Variants in DUSP16 observed in about 807,000 individuals in gnomAD.
The protein encoded by DUSP16 is dual specificity phosphatase 16, also known as dual specificity protein phosphatase 16.
Under a neutral mutation model 58.3 loss-of-function variants are expected in DUSP16, and 21 were observed. The observed-to-expected ratio is 0.36, with a 90% CI of 0.26 to 0.52. The LOEUF (loss-of-function observed/expected upper bound fraction) is 0.52, where lower values mean the gene tolerates loss of function less well. DUSP16 is among the 20% of genes least tolerant of loss of function. The pLI is 0.94. For synonymous variants in DUSP16, 320 were observed against 323.8 expected (o/e 0.99, Z 0.12); for missense variants, 726 against 819.0 (o/e 0.89, Z 1.39).
chr12:12,478,035 C>T lies in DUSP16; in HGVS notation c.816-20G>A, dbSNP rs1425663392. 7 of 1,528,740 alleles carry T rather than the reference C, an allele frequency of 4.6e-6. No individual in the cohort carries two copies. The East Asian group carries it at 1.6e-4, about 35-fold the overall frequency. The allele number at this position is 1,528,740 out of a possible 1,614,324, so 94.7% of individuals were successfully genotyped here. A position where few individuals can be genotyped will look rare whatever the true frequency, so the allele number is the denominator to read the frequency against. ...ACAAATCTGCAGAGAGAGGAAAAAA[C>T]AAAAACCCGAATTTTACAACTACAC... is the stretch of plus-strand genomic sequence containing the variant. On this transcript the variant is annotated intron_variant, in intron 6 of 6. Coordinates refer to ENST00000298573, the MANE Select transcript of DUSP16 (RefSeq NM_030640.3).
At chr12:12,558,529 G>A (rs1015938902) in intron 1 of DUSP16, among the ~76,000 whole-genome samples, 2 of 151,962 alleles carry the variant, frequency 1.3e-5, no homozygotes, top group Non-Finnish European at 2.9e-5. Context: ...CCACAGCTGC[G>A]TACTACTACC....
intron 4 of DUSP16, among the ~76,000 whole-genome samples, chr12:12,494,108 T>C (rs549652147): frequency 6.6e-6 from 1 of 152,348 alleles, no homozygotes; most frequent in East Asian, 1.9e-4. Context: ...CATCTTCTAA[T>C]GAGAAACCTT....
chr12:12,556,364 C>A (rs1944805890), intron 1 of DUSP16, among the ~76,000 whole-genome samples: 2 of 151,830 alleles, frequency 1.3e-5, no homozygotes, highest in African/African-American at 2.4e-5. Context: ...TTAAGACCAG[C>A]CTGGGCAACA....
chr12:12,480,118 C>T, intron 6 of DUSP16, 105 bp downstream of exon 6: 2 of 1,440,776 alleles, frequency 1.4e-6, no homozygotes, highest in Admixed American at 2.2e-5. Flanking sequence ...AAAAATGTGA[C>T]TAAAATAATC....
intron 1 of DUSP16, among the ~76,000 whole-genome samples, chr12:12,552,490 T>G (rs1286114182): frequency 1.3e-5 from 2 of 152,168 alleles, no homozygotes; most frequent in South Asian, 2.1e-4. Flanking sequence ...TTGTTGAATT[T>G]TGGTGTAACA....
chr12:12,523,830 C>T (rs1406707731), intron 1 of DUSP16, among the ~76,000 whole-genome samples: 1 of 152,162 alleles, frequency 6.6e-6, no homozygotes, highest in African/African-American at 2.4e-5. Context: ...CCCTGTTTTC[C>T]CTAAGTACTT....
rs36049447 is a variant in DUSP16, at chr12:12,521,031, G to A, written c.68C>T (p.Thr23Met). 1,994 of 1,614,074 alleles carry A rather than the reference G, an allele frequency of 1.2e-3. 20 individuals carry two copies. In the African/African-American group the frequency reaches 0.022, roughly 18 times the overall value. The stretch of plus-strand genomic sequence containing the variant: ...GCTATCAATTAGCAGCACTTTTTCC[G>A]TTCCACTTTCCAGCAGAGCCACCAA... The part of the protein sequence containing the change: ...ERLVALLESG[T>M]EKVLLIDSRP... The change falls in exon 2 of 7, where the codon ACG (threonine) becomes ATG (methionine). Residue 23 changes from threonine to methionine, a missense_variant. By Grantham distance (81) the Thr-to-Met change is moderately conservative. Coordinates refer to ENST00000298573, the MANE Select transcript of DUSP16 (RefSeq NM_030640.3).
At chr12:12,486,481 A>AGAGTGT (rs1402961298) in intron 5 of DUSP16, among the ~76,000 whole-genome samples, 1 of 147,262 alleles carries the variant, frequency 6.8e-6, no homozygotes, top group Non-Finnish European at 1.5e-5. Flanking sequence ...ACCAAATGAG[A>AGAGTGT]GTGTGTGTGT....
At chr12:12,480,378 C>A (rs1251901088) in intron 5 of DUSP16, 32 bp from the exon 6 acceptor site, 2 of 1,602,100 alleles carry the variant, frequency 1.2e-6, no homozygotes, top group African/African-American at 2.7e-5. Flanking sequence ...AAGGTCACTA[C>A]TAACTATTTT....
chr12:12,554,070 G>A (rs1429594934), intron 1 of DUSP16, among the ~76,000 whole-genome samples: 1 of 151,634 alleles, frequency 6.6e-6, no homozygotes, highest in Non-Finnish European at 1.5e-5. Flanking sequence ...GGTGGTGCAC[G>A]CCTGTAATCC....
At position 12,519,216 on chromosome 12, in the gene DUSP16, T is replaced by C. The variant is rs115473502; in HGVS notation, c.367+646A>G. Among the ~76,000 whole-genome samples, 1,197 of 152,318 alleles carry C rather than the reference T, an allele frequency of 7.9e-3. 14 individuals carry two copies. Among genetic ancestry groups the C allele is most frequent in the African/African-American group, 0.028 (1,159 of 41,558 alleles). On this transcript the variant is annotated intron_variant, in intron 3 of 6. Coordinates refer to ENST00000298573, the MANE Select transcript of DUSP16 (RefSeq NM_030640.3). ...ACAATGCCGTCCTCCAGGAGAGATATAGAATATTTGGTCCTTCCCACACAC... is the reference window on the plus strand; with the variant it reads ...ACAATGCCGTCCTCCAGGAGAGATACAGAATATTTGGTCCTTCCCACACAC...
In DUSP16 at chr12:12,477,411, C is replaced by G; in HGVS notation, c.1420G>C (p.Ala474Pro). ...EASIPKKLQTARPSDSQSKRL... is the reference protein window; with the variant it reads ...EASIPKKLQTPRPSDSQSKRL... ...TTGCTCTGGCTGTCTGAAGGCCTGG[C>G]GGTCTGCAGCTTCTTGGGGATGCTG... The change falls in exon 7 of 7, where the codon GCC (alanine) becomes CCC (proline). Residue 474 changes from alanine to proline, a missense_variant. Ala to Pro is a conservative substitution (Grantham distance 27). Transcript: ENST00000298573. This position sits in a 1 kb window ranked among gnomAD's most constrained non-coding sequence, Gnocchi z 4.1. The G allele has an allele frequency of 6.2e-7, 1 of 1,609,854 alleles. No homozygotes were observed. The highest frequency in any genetic ancestry group is 8.5e-7 in the Non-Finnish European group (1 of 1,177,672).
chr12:12,530,833 T>TA (rs1323131888), intron 1 of DUSP16, among the ~76,000 whole-genome samples: 1 of 152,098 alleles, frequency 6.6e-6, no homozygotes, highest in Non-Finnish European at 1.5e-5. Context: ...TTAAGCAAGA[T>TA]ATATGTGTGA....
chr12:12,551,366 C>T (rs773992525), intron 1 of DUSP16, among the ~76,000 whole-genome samples: 4 of 149,360 alleles, frequency 2.7e-5, no homozygotes, highest in East Asian at 2.0e-4. Flanking sequence ...ATCAGCCAGG[C>T]GTGGTGGTGC....
intron 1 of DUSP16, among the ~76,000 whole-genome samples, chr12:12,540,708 G>A (rs977169372): frequency 1.3e-5 from 2 of 152,206 alleles, no homozygotes; most frequent in African/African-American, 2.4e-5. Context: ...TATTCTGGAC[G>A]CTCTCCTACC....
chr12:12,496,745 T>C (rs1329727092), intron 4 of DUSP16, among the ~76,000 whole-genome samples: 1 of 152,252 alleles, frequency 6.6e-6, no homozygotes, highest in African/African-American at 2.4e-5. Flanking sequence ...ATTTCAAATA[T>C]GAACTAGGCA....
intron 4 of DUSP16, among the ~76,000 whole-genome samples, chr12:12,494,495 G>A (rs573617801): frequency 9.2e-5 from 14 of 152,294 alleles, no homozygotes; most frequent in African/African-American, 3.4e-4. Context: ...AGAGGTATCC[G>A]ATGAATATAA....
intron 1 of DUSP16, among the ~76,000 whole-genome samples, chr12:12,527,095 G>A (rs1447291410): frequency 3.3e-5 from 5 of 152,152 alleles, no homozygotes; most frequent in African/African-American, 9.7e-5. Context: ...TTATTTGGTT[G>A]GGCTAGAGCT....
chr12:12,551,708 T>C (rs34253962), intron 1 of DUSP16, among the ~76,000 whole-genome samples: 45,147 of 148,828 alleles, frequency 0.3, 7,999 homozygotes, highest in East Asian at 0.4. Context: ...TTTTTTTTTT[T>C]CCGAGATGGA....
Sources: allele counts gnomAD v4.1 joint callset (sites outside exome capture counted in the v4.1 genomes callset), GRCh38; gene constraint gnomAD v4.1.1; non-coding constraint Gnocchi (gnomAD v3.1); transcripts MANE v1.5; gene names NCBI Gene and HGNC (gene_info 2026-07-23, HGNC 2026-07-21).